Variants in IQCH observed in about 807,000 individuals in gnomAD.
The protein encoded by IQCH is IQ motif containing H, also known as IQ domain-containing protein H.
In IQCH, 98 loss-of-function variants were observed where a neutral mutation model predicts 117.0. The observed-to-expected ratio is 0.84, with a 90% CI of 0.71 to 0.99. The LOEUF is 0.99. Ranked by LOEUF, IQCH falls within the 50% of genes least tolerant of loss-of-function variation. The pLI is 0.00. For missense variants in IQCH, 1,102 were observed against 1,243.8 expected, an observed-to-expected ratio of 0.89 and a Z score of 1.72; for synonymous variants, 412 against 448.2, an observed-to-expected ratio of 0.92 and a Z score of 1.02.
chr15:67,359,812 T>TGG lies in IQCH; in HGVS notation c.715-35_715-34insGG. The TGG allele has an allele frequency of 6.3e-7, 1 of 1,578,158 alleles. No individual in the cohort carries two copies. The highest frequency in any genetic ancestry group is 8.7e-7 in the Non-Finnish European group (1 of 1,147,256). On this transcript the variant is annotated intron_variant, in intron 7 of 20. Transcript: ENST00000335894. The surrounding 1 kb of genome is among the most constrained non-coding windows in gnomAD (Gnocchi z 4.5). Reference sequence around the variant, plus strand: ...TTTGTAAAATTGCCCATGAGAGTCGTTTTGATTTAAACTGTGTCTCATTCT... The same window carrying TGG: ...TTTGTAAAATTGCCCATGAGAGTCGTGGTTTGATTTAAACTGTGTCTCATTCT...
chr15:67,270,897 T>C (rs1022330301), intron 3 of IQCH, among the ~76,000 whole-genome samples: 8 of 152,224 alleles, frequency 5.3e-5, no homozygotes, highest in African/African-American at 1.9e-4. Flanking sequence ...AATGATCATA[T>C]GGTTTTTTGT....
Position 67,448,909 on chromosome 15 carries a change from C to T in IQCH, c.2506-16218C>T, listed in dbSNP as rs548902932. On this transcript the variant is annotated intron_variant, in intron 16 of 20. Transcript: ENST00000335894. ...CACCTGTTGTTTCCTGACTAATGATCGCCATTCTAACTGGTGTGAGATGGT... is the reference window on the plus strand; with the variant it reads ...CACCTGTTGTTTCCTGACTAATGATTGCCATTCTAACTGGTGTGAGATGGT... 9.9e-5 allele frequency among the ~76,000 whole-genome samples: 15 copies of T among 152,186 alleles called. No individual in the cohort carries two copies. In the East Asian group the frequency reaches 1.7e-3, roughly 18 times the overall value.
chr15:67,464,262 G>A (rs1219057979), intron 16 of IQCH, among the ~76,000 whole-genome samples: 2 of 152,136 alleles, frequency 1.3e-5, no homozygotes, highest in Non-Finnish European at 2.9e-5. Context: ...TGGGGATGGG[G>A]GATGACAAGG....
chr15:67,321,224 G>T (rs1968104420), intron 4 of IQCH, among the ~76,000 whole-genome samples: 1 of 152,150 alleles, frequency 6.6e-6, no homozygotes, highest in Admixed American at 6.5e-5. Flanking sequence ...GAGACATGCA[G>T]ATGCCCACGC....
intron 4 of IQCH, among the ~76,000 whole-genome samples, chr15:67,289,911 A>G (rs1392386549): frequency 6.6e-6 from 1 of 152,094 alleles, no homozygotes; most frequent in Non-Finnish European, 1.5e-5. Context: ...TCATGTAACA[A>G]AGTTTGAGTC....
At chr15:67,495,601 G>C (rs939865115) in intron 20 of IQCH, among the ~76,000 whole-genome samples, 3 of 152,184 alleles carry the variant, frequency 2.0e-5, no homozygotes, top group Non-Finnish European at 4.4e-5. Flanking sequence ...CATTCAGCCT[G>C]TCCAAATATA....
In IQCH at chr15:67,494,298, G is replaced by T; in HGVS notation, c.2902G>T (p.Ala968Ser). 7.4e-6 allele frequency: 12 copies of T among 1,613,050 alleles called. No homozygotes were observed. Among genetic ancestry groups the T allele is most frequent in the Non-Finnish European group, 1.0e-5 (12 of 1,179,766 alleles). ...EDLQGVLMTF[A>S]RHLFIIHQEI... ...TCTCCAGGGGGTCCTCATGACCTTT[G>T]CTCGCCATCTCTTCATCATCCATCA... is the stretch of plus-strand genomic sequence containing the variant. The change falls in exon 20 of 21, where the codon GCT (alanine) becomes TCT (serine). Residue 968 changes from alanine (A) to serine (S), a missense_variant. Ala to Ser is a moderately conservative substitution (Grantham distance 99, BLOSUM62 1). Coordinates refer to ENST00000335894, the MANE Select transcript of IQCH (RefSeq NM_001031715.3). This position sits in a 1 kb window ranked among gnomAD's most constrained non-coding sequence, Gnocchi z 5.5.
chr15:67,320,431 A>AT (rs1305851825), intron 4 of IQCH, among the ~76,000 whole-genome samples: 1 of 152,176 alleles, frequency 6.6e-6, no homozygotes, highest in Non-Finnish European at 1.5e-5. Flanking sequence ...AAGTATACAC[A>AT]TTTTTTCTTA....
intron 4 of IQCH, among the ~76,000 whole-genome samples, chr15:67,312,551 A>G (rs998662329): frequency 2.0e-5 from 3 of 152,188 alleles, no homozygotes; most frequent in Non-Finnish European, 4.4e-5. Flanking sequence ...ATCTATGGAA[A>G]AGTGGATACG....
chr15:67,352,408 CT>C (rs1969702455), intron 6 of IQCH, among the ~76,000 whole-genome samples: 1 of 151,922 alleles, frequency 6.6e-6, no homozygotes, highest in Non-Finnish European at 1.5e-5. Context: ...CTCTTCATTC[CT>C]TGTTGCATCT....
rs1970278391 is a variant in IQCH, at chr15:67,364,943, T to C, written c.753+5058T>C. ...ATGTTACATTATTAATAAATAATTG[T>C]TTTTGTTCTTGTTTTGAGATGCGGT... On this transcript the variant is annotated intron_variant, in intron 8 of 20. Coordinates refer to ENST00000335894, the MANE Select transcript of IQCH (RefSeq NM_001031715.3). The surrounding 1 kb of genome is among the most constrained non-coding windows in gnomAD (Gnocchi z 4.1). 1.3e-5 allele frequency among the ~76,000 whole-genome samples: 2 copies of C among 152,178 alleles called. No homozygotes were observed. Among genetic ancestry groups the C allele is most frequent in the Admixed American group, 1.3e-4 (2 of 15,280 alleles).
At chr15:67,298,137 C>T (rs780098203) in intron 4 of IQCH, among the ~76,000 whole-genome samples, 36 of 151,626 alleles carry the variant, frequency 2.4e-4, no homozygotes, top group Admixed American at 4.6e-4. Flanking sequence ...GGTGAAACCC[C>T]GTCTCTACTA....
At chr15:67,438,934 G>A (rs540588984) in intron 16 of IQCH, among the ~76,000 whole-genome samples, 1 of 152,296 alleles carries the variant, frequency 6.6e-6, no homozygotes, top group East Asian at 1.9e-4. Flanking sequence ...AAAGAAATAA[G>A]ATAGACAGCA....
intron 1 of IQCH, 29 bp downstream of exon 1, chr15:67,254,976 C>T (rs1199199677): frequency 2.5e-6 from 4 of 1,604,626 alleles, no homozygotes; most frequent in African/African-American, 2.7e-5. Context: ...CCGGCCCTGC[C>T]CTGCCCAGCC....
rs373139972 is a variant in IQCH at position 67,344,109 on chromosome 15, G to C, written c.555G>C (p.Arg185Ser). The C allele has an allele frequency of 6.2e-7, 1 of 1,613,362 alleles. No individual in the cohort carries two copies. Among genetic ancestry groups the C allele is most frequent in the African/African-American group, 1.3e-5 (1 of 75,006 alleles). Residue 185 changes from arginine to serine, a missense_variant, in exon 6 of 21, where the codon AGG (arginine) becomes AGC (serine). Arg to Ser is a moderately radical substitution (Grantham distance 110). Coordinates refer to ENST00000335894, the MANE Select transcript of IQCH (RefSeq NM_001031715.3). ...IERGLIPPTA[R>S]ITFQNPPITP... ...GAGGGCTGATTCCACCAACAGCAAG[G>C]ATTACCTTTCAGAATCCACCCATTA...
chr15:67,472,725 T>G lies in IQCH; in HGVS notation c.2677-2971T>G, dbSNP rs1596458711. On this transcript the variant is annotated intron_variant, in intron 17 of 20. Coordinates refer to ENST00000335894, the MANE Select transcript of IQCH (RefSeq NM_001031715.3). The surrounding 1 kb of genome is among the most constrained non-coding windows in gnomAD (Gnocchi z 4.3). ...TTCTCACTCCATATAACCTTTCCAC[T>G]GCAGAATTCTGCTTGTATCCTCACC... is the stretch of plus-strand genomic sequence containing the variant. Among the ~76,000 whole-genome samples, 1 of 152,174 alleles carries G rather than the reference T, an allele frequency of 6.6e-6. No individual in the cohort carries two copies. The highest frequency in any genetic ancestry group is 1.9e-4 in the East Asian group (1 of 5,188).
chr15:67,410,053 A>G (rs1675104072), intron 14 of IQCH, among the ~76,000 whole-genome samples: 1 of 152,196 alleles, frequency 6.6e-6, no homozygotes, highest in African/African-American at 2.4e-5. Context: ...TCTTGATGGA[A>G]AGGAATGAGT....
intron 3 of IQCH, among the ~76,000 whole-genome samples, chr15:67,273,349 C>T (rs35129260): frequency 0.22 from 33,174 of 152,106 alleles, 4,213 homozygotes; most frequent in East Asian, 0.47. Context: ...AGATTATAGG[C>T]ACGAGCCACC....
chr15:67,423,693 A>G (rs1349792247), intron 16 of IQCH, among the ~76,000 whole-genome samples: 3 of 151,730 alleles, frequency 2.0e-5, no homozygotes, highest in African/African-American at 7.3e-5. Flanking sequence ...GCTTGAGGTC[A>G]GGAGTTCGAG....
Sources: gnomAD v4.1 joint callset for allele counts (sites outside exome capture counted in the v4.1 genomes callset) on GRCh38, gnomAD v4.1.1 for gene constraint, Gnocchi (gnomAD v3.1) non-coding constraint, MANE v1.5 for transcripts, NCBI Gene and HGNC (gene_info 2026-07-23, HGNC 2026-07-21) for gene names.